GALNT13: variants seen among roughly 807,000 people sequenced by gnomAD.
GALNT13 encodes polypeptide N-acetylgalactosaminyltransferase 13, also known as UDP-GalNAc:polypeptide N-acetylgalactosaminyltransferase 13.
Under a neutral mutation model 64.2 loss-of-function variants are expected in GALNT13, and 28 were observed. The ratio of observed to expected loss-of-function variants is 0.44; its 90% CI spans 0.32 to 0.60. The LOEUF (loss-of-function observed/expected upper bound fraction) is 0.60. GALNT13 is among the 20% of genes least tolerant of loss of function. The pLI is 0.05. For synonymous variants in GALNT13, 214 were observed against 224.6 expected, an observed-to-expected ratio of 0.95 and a Z score of 0.42; for missense variants, 577 against 669.8, an observed-to-expected ratio of 0.86 and a Z score of 1.53.
At chr2:153,582,197 T>G in the GALNT13 span, among the ~76,000 whole-genome samples, 2 of 152,160 alleles carry the variant, frequency 1.3e-5, no homozygotes, top group Non-Finnish European at 2.9e-5. Context: ...ATCAGCCATT[T>G]TTCAGTTTAG....
At chr2:153,645,241 T>A in the GALNT13 span, among the ~76,000 whole-genome samples, 1 of 152,116 alleles carries the variant, frequency 6.6e-6, no homozygotes, top group Admixed American at 6.6e-5. Flanking sequence ...AAGGCATGAG[T>A]TATATACTTA....
chr2:154,075,831 G>A (rs1574458068), intron 3 of GALNT13, among the ~76,000 whole-genome samples: 1 of 151,412 alleles, frequency 6.6e-6, no homozygotes, highest in Non-Finnish European at 1.5e-5. Flanking sequence ...GTGATCATAG[G>A]CTATTTGCTT....
At chr2:154,258,731 A>G (rs1269876887) in intron 7 of GALNT13, among the ~76,000 whole-genome samples, 1 of 151,882 alleles carries the variant, frequency 6.6e-6, no homozygotes, top group Non-Finnish European at 1.5e-5. Flanking sequence ...TCTCTTCGCT[A>G]TGATTTTCAG....
chr2:153,148,798 CAA>C, the GALNT13 span, among the ~76,000 whole-genome samples: 4 of 151,590 alleles, frequency 2.6e-5, no homozygotes, highest in African/African-American at 9.7e-5. Context: ...TTTCAAAACA[CAA>C]AGAGAAAAAG....
chr2:154,123,515 C>T (rs1177729108), intron 3 of GALNT13, among the ~76,000 whole-genome samples: 1 of 151,646 alleles, frequency 6.6e-6, no homozygotes, highest in African/African-American at 2.4e-5. Context: ...TTTAAAAAGG[C>T]ACACTGAATA....
chr2:153,771,252 G>T, the GALNT13 span, among the ~76,000 whole-genome samples: 2 of 152,320 alleles, frequency 1.3e-5, no homozygotes, highest in East Asian at 3.9e-4. Context: ...GATATGCCCA[G>T]GGAAGGAGCA....
At position 154,225,560 on chromosome 2, in the gene GALNT13, G is replaced by T. The variant is rs181177039; in HGVS notation, c.312-16470G>T. Among the ~76,000 whole-genome samples the T allele has an allele frequency of 2.8e-3, 424 of 152,172 alleles. 2 individuals are homozygous for T. Among genetic ancestry groups the T allele is most frequent in the Non-Finnish European group, 4.6e-3 (314 of 68,000 alleles). On this transcript the variant is annotated intron_variant, in intron 4 of 12. Transcript: ENST00000392825. Reference sequence around the variant, plus strand: ...ATACATGCACAAGATATATGTTAAAGGAAATAGTTATCAATAGATGACGTA... The same window carrying T: ...ATACATGCACAAGATATATGTTAAATGAAATAGTTATCAATAGATGACGTA...
the GALNT13 span, among the ~76,000 whole-genome samples, chr2:153,483,305 C>T: frequency 6.6e-3 from 1,004 of 151,086 alleles, 12 homozygotes; most frequent in African/African-American, 0.023. Context: ...TCACAATGGC[C>T]AAAAGGTGGA....
At chr2:153,781,606 T>C in the GALNT13 span, among the ~76,000 whole-genome samples, 3 of 152,076 alleles carry the variant, frequency 2.0e-5, no homozygotes, top group African/African-American at 4.8e-5. Context: ...CTTTTGTGTG[T>C]ACATATACAC....
At chr2:153,856,773 C>G in the GALNT13 span, among the ~76,000 whole-genome samples, 2 of 152,160 alleles carry the variant, frequency 1.3e-5, 1 homozygote, top group East Asian at 3.9e-4. Flanking sequence ...GGAATCTACA[C>G]CACATAAATG....
the GALNT13 span, among the ~76,000 whole-genome samples, chr2:153,852,755 CAT>C: frequency 6.6e-6 from 1 of 152,124 alleles, no homozygotes; most frequent in Non-Finnish European, 1.5e-5. Flanking sequence ...AAGCTTTAAA[CAT>C]ATAACAGCCA....
intron 9 of GALNT13, among the ~76,000 whole-genome samples, chr2:154,343,122 C>T (rs1240114067): frequency 6.6e-6 from 1 of 151,900 alleles, no homozygotes; most frequent in Non-Finnish European, 1.5e-5. Context: ...TTACCACAAA[C>T]CCTGTCCTGC....
chr2:153,282,335 C>G, the GALNT13 span, among the ~76,000 whole-genome samples: 2 of 152,100 alleles, frequency 1.3e-5, no homozygotes, highest in Non-Finnish European at 2.9e-5. Context: ...CATTGTACTT[C>G]CTTGCAGTCC....
At chr2:153,924,260 G>A (rs1689959104) in intron 2 of GALNT13, among the ~76,000 whole-genome samples, 1 of 143,286 alleles carries the variant, frequency 7.0e-6, no homozygotes, top group Non-Finnish European at 1.5e-5. Flanking sequence ...GCCCCCATGT[G>A]TCTATGTGTT....
intron 3 of GALNT13, among the ~76,000 whole-genome samples, chr2:153,952,664 A>T (rs775078649): frequency 6.6e-6 from 1 of 152,166 alleles, no homozygotes; most frequent in African/African-American, 2.4e-5. Flanking sequence ...ATAGATGTAT[A>T]TATAAAGGGG....
At chr2:153,408,225 T>G in the GALNT13 span, among the ~76,000 whole-genome samples, 1 of 152,120 alleles carries the variant, frequency 6.6e-6, no homozygotes, top group African/African-American at 2.4e-5. Flanking sequence ...ATCTCAGGGT[T>G]CCAGGCCAGG....
chr2:154,282,411 G>A (rs1038221289), intron 8 of GALNT13, among the ~76,000 whole-genome samples: 2 of 152,232 alleles, frequency 1.3e-5, no homozygotes, highest in African/African-American at 2.4e-5. Context: ...AGTAGGAAAA[G>A]TTTTATTTAA....
the GALNT13 span, among the ~76,000 whole-genome samples, chr2:153,256,924 G>C: frequency 0.89 from 135,875 of 152,296 alleles, 60,859 homozygotes; most frequent in African/African-American, 0.96. Context: ...TGCCCTGCCC[G>C]CAGAGGTGGA....
At chr2:154,120,242 C>T (rs918062599) in intron 3 of GALNT13, among the ~76,000 whole-genome samples, 1 of 152,122 alleles carries the variant, frequency 6.6e-6, no homozygotes, top group African/African-American at 2.4e-5. Context: ...TGGTTGGGCT[C>T]TACTATCAGG....
Sources: gnomAD v4.1 joint callset for allele counts (sites outside exome capture counted in the v4.1 genomes callset) on GRCh38, gnomAD v4.1.1 for gene constraint, MANE v1.5 for transcripts, NCBI Gene and HGNC (gene_info 2026-07-23, HGNC 2026-07-21) for gene names.